PARD6G: variants seen among roughly 807,000 people sequenced by gnomAD.
PARD6G encodes partitioning defective 6 homolog gamma.
PARD6G carries 7 observed loss-of-function variants against 10.7 expected under a neutral mutation model. That is an observed-to-expected ratio of 0.66 (90% CI 0.37 to 1.23). The LOEUF is 1.23. Ranked by LOEUF, PARD6G falls within the 50% of genes most tolerant of loss-of-function variation. The pLI is 0.02. For missense variants in PARD6G, 548 were observed against 571.8 expected (o/e 0.96, Z 0.42); for synonymous variants, 287 against 269.4 (o/e 1.07, Z -0.64).
At chr18:80,199,311 C>T (rs779831542) in intron 2 of PARD6G, among the ~76,000 whole-genome samples, 12 of 152,202 alleles carry the variant, frequency 7.9e-5, no homozygotes, top group Non-Finnish European at 1.3e-4. Flanking sequence ...CTTAAACATA[C>T]GGTTTCTGAG....
intron 2 of PARD6G, among the ~76,000 whole-genome samples, chr18:80,179,409 C>A (rs2052836006): frequency 6.6e-6 from 1 of 152,172 alleles, no homozygotes; most frequent in African/African-American, 2.4e-5. Flanking sequence ...CCCGCCCACG[C>A]CCGCTCCCTT....
chr18:80,206,613 A>G (rs1016365873), intron 1 of PARD6G, among the ~76,000 whole-genome samples: 1 of 152,230 alleles, frequency 6.6e-6, no homozygotes, highest in African/African-American at 2.4e-5. Flanking sequence ...TTTTTGTCAC[A>G]CAACCTGTTG....
At chr18:80,217,927 G>T (rs1258944166) in intron 1 of PARD6G, among the ~76,000 whole-genome samples, 1 of 152,178 alleles carries the variant, frequency 6.6e-6, no homozygotes, top group African/African-American at 2.4e-5. Context: ...AGTGCAGAGT[G>T]AAGCGGCGGG....
intron 2 of PARD6G, among the ~76,000 whole-genome samples, chr18:80,186,121 C>G (rs1252702135): frequency 2.1e-5 from 3 of 144,132 alleles, no homozygotes; most frequent in African/African-American, 7.8e-5. Flanking sequence ...CCCTCACACG[C>G]ACCCACACAT....
At chr18:80,219,430 G>A (rs1967206858) in intron 1 of PARD6G, among the ~76,000 whole-genome samples, 1 of 152,106 alleles carries the variant, frequency 6.6e-6, no homozygotes, top group African/African-American at 2.4e-5. Context: ...GGCTGGTCTC[G>A]AATTCCTGAC....
intron 2 of PARD6G, among the ~76,000 whole-genome samples, chr18:80,172,927 T>C (rs2052786627): frequency 1.3e-5 from 2 of 152,216 alleles, no homozygotes; most frequent in African/African-American, 4.8e-5. Context: ...CACATCCCTG[T>C]GCCATTCTAA....
chr18:80,227,857 C>T (rs1879100), intron 1 of PARD6G, among the ~76,000 whole-genome samples: 114,775 of 139,160 alleles, frequency 0.82, 47,443 homozygotes, highest in Non-Finnish European at 0.86. Context: ...ACCACCAGGG[C>T]TTCAGACCAT....
intron 1 of PARD6G, among the ~76,000 whole-genome samples, chr18:80,222,860 G>C (rs1333627790): frequency 1.3e-5 from 2 of 151,866 alleles, no homozygotes; most frequent in East Asian, 1.9e-4. Flanking sequence ...TTTTTTTGTA[G>C]AGACAGTGTT....
Position 80,181,304 on chromosome 18 carries a change from C to T in PARD6G, c.296-20698G>A, listed in dbSNP as rs2052847530. Among the ~76,000 whole-genome samples the T allele has an allele frequency of 6.6e-6, 1 of 152,190 alleles. No individual in the cohort carries two copies. Among genetic ancestry groups the T allele is most frequent in the Admixed American group, 6.5e-5 (1 of 15,286 alleles). ...TCCCCTGGTCCCTCAGCCAAGTCAG[C>T]CGATGTCCCCAGCTGGGATGTCTGC... On this transcript the variant is annotated intron_variant, in intron 2 of 2. Transcript: ENST00000353265. This position sits in a 1 kb window ranked among gnomAD's most constrained non-coding sequence, Gnocchi z 7.9.
intron 2 of PARD6G, among the ~76,000 whole-genome samples, chr18:80,166,708 G>T (rs928343678): frequency 1.3e-5 from 2 of 151,502 alleles, no homozygotes; most frequent in Non-Finnish European, 2.9e-5. Flanking sequence ...ACAGTCCACA[G>T]GGTCCTCACT....
intron 2 of PARD6G, among the ~76,000 whole-genome samples, chr18:80,179,359 A>T (rs2052835660): frequency 6.6e-6 from 1 of 152,034 alleles, no homozygotes; most frequent in Admixed American, 6.5e-5. Context: ...TCATCTCTGG[A>T]GGCCAAGCTC....
At chr18:80,191,522 C>T (rs1313704526) in intron 2 of PARD6G, among the ~76,000 whole-genome samples, 2 of 152,212 alleles carry the variant, frequency 1.3e-5, no homozygotes, top group Non-Finnish European at 2.9e-5. Context: ...GATGGAGAGA[C>T]ATAAATTTTC....
chr18:80,162,685 G>T (rs561443537), intron 2 of PARD6G: 57 of 168,776 alleles, frequency 3.4e-4, no homozygotes, highest in Non-Finnish European at 6.3e-4. Flanking sequence ...ACAGCTACAT[G>T]GAGAACACCG....
Position 80,195,559 on chromosome 18 carries a change from A to ATATATATG in PARD6G, c.295+7150_295+7151insCATATATA, listed in dbSNP as rs1555736135. 7.3e-5 allele frequency among the ~76,000 whole-genome samples: 7 copies of ATATATATG among 95,864 alleles called. 1 individual carries two copies. In the South Asian group the frequency reaches 1.0e-3, roughly 14 times the overall value. The allele number at this position is 95,864 out of a possible 152,430, so 62.9% of individuals were successfully genotyped here. A position where few individuals can be genotyped will look rare whatever the true frequency, so the allele number is the denominator to read the frequency against. ...AGTCTTCAAAGATACATATATATAT[A>ATATATATG]TATATATATATATACACACATTTTT... is the stretch of plus-strand genomic sequence containing the variant. On this transcript the variant is annotated intron_variant, in intron 2 of 2. Transcript: ENST00000353265.
intron 1 of PARD6G, among the ~76,000 whole-genome samples, chr18:80,236,823 C>T (rs944405470): frequency 6.6e-6 from 1 of 152,142 alleles, no homozygotes; most frequent in African/African-American, 2.4e-5. Flanking sequence ...AGGAGAACTA[C>T]AAACCACTGC....
Position 80,228,437 on chromosome 18 carries a change from C to A in PARD6G, c.72+18840G>T, listed in dbSNP as rs903642192. On this transcript the variant is annotated intron_variant, in intron 1 of 2. Coordinates refer to ENST00000353265, the MANE Select transcript of PARD6G (RefSeq NM_032510.4). The surrounding 1 kb of genome is among the most constrained non-coding windows in gnomAD (Gnocchi z 4.6). Reference sequence around the variant, plus strand: ...TCAGCTCTGCTGGGTGAGTCGCAGGCACCAAGTGCCCCTACAGCTCACATT... The same window carrying A: ...TCAGCTCTGCTGGGTGAGTCGCAGGAACCAAGTGCCCCTACAGCTCACATT... Among the ~76,000 whole-genome samples the A allele has an allele frequency of 6.6e-6, 1 of 152,152 alleles. No individual in the cohort carries two copies. Among genetic ancestry groups the A allele is most frequent in the Non-Finnish European group, 1.5e-5 (1 of 68,006 alleles).
chr18:80,172,937 A>C (rs1022290976), intron 2 of PARD6G, among the ~76,000 whole-genome samples: 2 of 152,204 alleles, frequency 1.3e-5, no homozygotes, highest in African/African-American at 4.8e-5. Context: ...TGCCATTCTA[A>C]GTAAAGTAGC....
chr18:80,237,682 T>C (rs1027962458), intron 1 of PARD6G, among the ~76,000 whole-genome samples: 14 of 151,886 alleles, frequency 9.2e-5, no homozygotes, highest in African/African-American at 3.4e-4. Flanking sequence ...AACAAGTGGG[T>C]GAAGGATATG....
At position 80,182,422 on chromosome 18, in the gene PARD6G, C is replaced by T. The variant is rs2052852919; in HGVS notation, c.295+20288G>A. On this transcript the variant is annotated intron_variant, in intron 2 of 2. Transcript: ENST00000353265. This position sits in a 1 kb window ranked among gnomAD's most constrained non-coding sequence, Gnocchi z 4.5. ...GTGTCCACTTTAGATGCTGGAACTA[C>T]ACTTAAAGAGCGACCAGCTTTTACA... Among the ~76,000 whole-genome samples, 1 of 152,232 alleles carries T rather than the reference C, an allele frequency of 6.6e-6. No individual in the cohort carries two copies. Among genetic ancestry groups the T allele is most frequent in the South Asian group, 2.1e-4 (1 of 4,832 alleles).
Sources: gnomAD v4.1 joint callset for allele counts (sites outside exome capture counted in the v4.1 genomes callset) on GRCh38, gnomAD v4.1.1 for gene constraint, Gnocchi (gnomAD v3.1) non-coding constraint, MANE v1.5 for transcripts, NCBI Gene and HGNC (gene_info 2026-07-23, HGNC 2026-07-21) for gene names.